CFAP61: variants seen among roughly 807,000 people sequenced by gnomAD.
The protein encoded by CFAP61 is cilia and flagella associated protein 61.
A neutral mutation model predicts 135.6 loss-of-function variants in CFAP61; 107 were observed. The ratio of observed to expected loss-of-function variants is 0.79; its 90% CI spans 0.67 to 0.93. The LOEUF (loss-of-function observed/expected upper bound fraction) is 0.93, where lower values mean the gene tolerates loss of function less well. Among genes scored for constraint, CFAP61 ranks in the 40% least tolerant of loss-of-function variants. The probability of loss-of-function intolerance (pLI) is 0.00; values close to 1 mark genes in which losing one functional copy is unlikely to be tolerated. For synonymous variants in CFAP61, 575 were observed against 578.5 expected, an observed-to-expected ratio of 0.99 and a Z score of 0.09; for missense variants, 1,507 against 1,556.2, an observed-to-expected ratio of 0.97 and a Z score of 0.53.
intron 25 of CFAP61, among the ~76,000 whole-genome samples, chr20:20,312,524 A>C (rs986744254): frequency 1.1e-4 from 16 of 152,212 alleles, no homozygotes; most frequent in African/African-American, 3.6e-4. Context: ...GAATGGGACA[A>C]CTTCAAGTGG....
At chr20:20,239,820 T>G (rs929909738) in intron 18 of CFAP61, among the ~76,000 whole-genome samples, 1 of 152,030 alleles carries the variant, frequency 6.6e-6, no homozygotes, top group East Asian at 1.9e-4. Flanking sequence ...TAAAAAGAGG[T>G]TTCCAGTAGC....
chr20:20,308,824 C>T (rs867989563), intron 25 of CFAP61, among the ~76,000 whole-genome samples: 88 of 152,098 alleles, frequency 5.8e-4, no homozygotes, highest in African/African-American at 1.9e-3. Context: ...GATTTTCTTC[C>T]TCCATTTCAT....
chr20:20,305,107 C>T (rs528185781), intron 25 of CFAP61, among the ~76,000 whole-genome samples: 27 of 150,896 alleles, frequency 1.8e-4, no homozygotes, highest in East Asian at 1.8e-3. Flanking sequence ...CCGGCCCTCG[C>T]GCCCGCGCCA....
intron 22 of CFAP61, among the ~76,000 whole-genome samples, chr20:20,285,693 G>A (rs1342875422): frequency 6.6e-6 from 1 of 152,084 alleles, no homozygotes; most frequent in African/African-American, 2.4e-5. Context: ...CAAGGTAGGT[G>A]GATGGCTTGA....
At chr20:20,263,189 C>A in intron 21 of CFAP61, 59 bp downstream of exon 21, 1 of 1,283,866 alleles carries the variant, frequency 7.8e-7, no homozygotes, top group Non-Finnish European at 1.1e-6. Flanking sequence ...TATAATGAGT[C>A]TCATTCTTCA....
chr20:20,360,415 A>C lies in CFAP61; in HGVS notation c.*5A>C. 1 of 1,613,170 alleles carries C rather than the reference A, an allele frequency of 6.2e-7. No individual in the cohort carries two copies. Among genetic ancestry groups the C allele is most frequent in the South Asian group, 1.1e-5 (1 of 91,066 alleles). The stretch of plus-strand genomic sequence containing the variant: ...GCGTGGCCAGGCATCGTTTAGTTGT[A>C]GGCAGGGTCTCCCCTTTATGGTTTT... On this transcript the variant is annotated 3_prime_UTR_variant, in exon 27 of 27. Coordinates refer to ENST00000245957, the MANE Select transcript of CFAP61 (RefSeq NM_015585.4).
intron 24 of CFAP61, among the ~76,000 whole-genome samples, chr20:20,290,770 C>T (rs577703911): frequency 6.6e-6 from 1 of 152,334 alleles, no homozygotes; most frequent in East Asian, 1.9e-4. Context: ...AGGACTCCTG[C>T]ACCAGTCATG....
intron 22 of CFAP61, among the ~76,000 whole-genome samples, chr20:20,280,625 G>A (rs1334212732): frequency 6.6e-6 from 1 of 152,106 alleles, no homozygotes; most frequent in Non-Finnish European, 1.5e-5. Flanking sequence ...TTATGGCTAA[G>A]TAGTATTCCA....
chr20:20,139,462 T>G (rs2051195687), intron 8 of CFAP61, among the ~76,000 whole-genome samples: 1 of 152,256 alleles, frequency 6.6e-6, no homozygotes, highest in East Asian at 1.9e-4. Context: ...ACTACTTAGA[T>G]GGTATAAGCC....
intron 6 of CFAP61, chr20:20,085,111 A>G: frequency 3.0e-6 from 3 of 985,450 alleles, no homozygotes; most frequent in Non-Finnish European, 3.6e-6. Flanking sequence ...GTGCTGATCT[A>G]TAAACTCCGC....
intron 8 of CFAP61, among the ~76,000 whole-genome samples, chr20:20,132,892 T>A (rs1042985465): frequency 4.6e-5 from 7 of 152,156 alleles, no homozygotes; most frequent in Non-Finnish European, 1.0e-4. Flanking sequence ...ATATTTTAGA[T>A]GTGTTGCCCA....
chr20:20,346,402 C>T (rs981343218), intron 26 of CFAP61, among the ~76,000 whole-genome samples: 5 of 150,878 alleles, frequency 3.3e-5, no homozygotes, highest in Non-Finnish European at 7.4e-5. Context: ...GCTGTAGTCC[C>T]AGCTACCCGG....
chr20:20,189,959 AT>A (rs1231873231), intron 14 of CFAP61, among the ~76,000 whole-genome samples: 4 of 151,922 alleles, frequency 2.6e-5, no homozygotes, highest in Non-Finnish European at 5.9e-5. Context: ...TAATTTTTGA[AT>A]TTTTAGTAGA....
chr20:20,228,471 ATTGT>A lies in CFAP61; in HGVS notation c.2060+99_2060+102del, dbSNP rs2048897692. On this transcript the variant is annotated intron_variant, in intron 18 of 26. Transcript: ENST00000245957. ...AACACCATCAGAGAACAGACCTGAGATTGTTTGGTACTCCACACACCCTGCCTAT... is the reference window on the plus strand; with the variant it reads ...AACACCATCAGAGAACAGACCTGAGATTGGTACTCCACACACCCTGCCTAT... 1.1e-5 allele frequency: 12 copies of A among 1,085,876 alleles called. No individual in the cohort carries two copies. The Admixed American group carries it at 2.0e-4, about 18-fold the overall frequency. The allele number at this position is 1,085,876 out of a possible 1,614,324, so 67.3% of individuals were successfully genotyped here. A position where few individuals can be genotyped will look rare whatever the true frequency, so the allele number is the denominator to read the frequency against.
At chr20:20,311,633 T>C (rs2056835178) in intron 25 of CFAP61, among the ~76,000 whole-genome samples, 1 of 151,634 alleles carries the variant, frequency 6.6e-6, no homozygotes, top group Non-Finnish European at 1.5e-5. Context: ...GAGCTGAGGG[T>C]CCGGGGAGAC....
intron 25 of CFAP61, among the ~76,000 whole-genome samples, chr20:20,334,903 G>A (rs1018413859): frequency 1.3e-5 from 2 of 152,164 alleles, no homozygotes; most frequent in Non-Finnish European, 2.9e-5. Context: ...GTGTCTGCTC[G>A]TGTCATGGGG....
chr20:20,288,879 G>C lies in CFAP61; in HGVS notation c.3067G>C (p.Glu1023Gln). 6.2e-7 allele frequency: 1 copy of C among 1,613,552 alleles called. No individual in the cohort carries two copies. Among genetic ancestry groups the C allele is most frequent in the Non-Finnish European group, 8.5e-7 (1 of 1,179,542 alleles). Residue 1023 changes from glutamate (E) to glutamine (Q), a missense_variant, in exon 23 of 27, where the codon GAG becomes CAG. Transcript: ENST00000245957. ...TGATCCAACCCTTGAGCCTGTGACC[G>C]AGCCACCAGCTAATCTTGACCGGCT... ...LFDPTLEPVT[E>Q]PPANLDRLIP...
intron 25 of CFAP61, among the ~76,000 whole-genome samples, chr20:20,318,479 CT>C (rs1169676318): frequency 1.3e-5 from 2 of 152,182 alleles, no homozygotes; most frequent in African/African-American, 4.8e-5. Flanking sequence ...TGGGAGGAGA[CT>C]TTCGTGTCTC....
intron 17 of CFAP61, among the ~76,000 whole-genome samples, chr20:20,203,690 C>G (rs1378581349): frequency 6.6e-6 from 1 of 152,134 alleles, no homozygotes; most frequent in Non-Finnish European, 1.5e-5. Context: ...TTAAAGACAG[C>G]CGAACAAGCT....
Sources: gnomAD v4.1 joint callset for allele counts (sites outside exome capture counted in the v4.1 genomes callset) on GRCh38, gnomAD v4.1.1 for gene constraint, MANE v1.5 for transcripts, NCBI Gene and HGNC (gene_info 2026-07-23, HGNC 2026-07-21) for gene names.